DHRSX: variants seen among roughly 807,000 people sequenced by gnomAD.
DHRSX encodes dehydrogenase/reductase X-linked.
A neutral mutation model predicts 34.0 loss-of-function variants in DHRSX; 31 were observed. The observed-to-expected ratio is 0.91, with a 90% CI of 0.69 to 1.23. The LOEUF (loss-of-function observed/expected upper bound fraction) is 1.23. Among genes scored for constraint, DHRSX ranks in the 50% most tolerant of loss-of-function variants. The pLI is 0.00. For missense variants in DHRSX, 414 were observed against 428.1 expected, an observed-to-expected ratio of 0.97 and a Z score of 0.29; for synonymous variants, 201 against 183.8, an observed-to-expected ratio of 1.09 and a Z score of -0.76.
At chrX:2,243,548 G>A (rs1459096216) in intron 5 of DHRSX, among the ~76,000 whole-genome samples, 3 of 151,874 alleles carry the variant, frequency 2.0e-5, no homozygotes, top group Admixed American at 6.6e-5. Context: ...GTGCAGTGGT[G>A]CAATCTTGGC....
rs1390787822 is a variant in DHRSX, at chrX:2,411,028, G to A, written c.218-2215C>T. The stretch of plus-strand genomic sequence containing the variant: ...GCATTTCAGGGAGGTGGGTTTCGAC[G>A]GGAGGGAGAGGAAGAAATAGCCTGA... On this transcript the variant is annotated intron_variant, in intron 2 of 6. Transcript: ENST00000334651. 6.6e-5 allele frequency among the ~76,000 whole-genome samples: 10 copies of A among 152,052 alleles called. No homozygotes were observed. In the East Asian group the frequency reaches 7.7e-4, roughly 12 times the overall value.
chrX:2,304,315 G>GGATGGATGGATGGATGGATGAACT (rs773612703), intron 3 of DHRSX, among the ~76,000 whole-genome samples: 5,147 of 129,934 alleles, frequency 0.04, 187 homozygotes, highest in African/African-American at 0.1. Context: ...ATGGATGAAT[G>GGATGGATGGATGGATGGATGAACT]GATGGATGGA....
chrX:2,372,360 C>G (rs1283567704), intron 3 of DHRSX, among the ~76,000 whole-genome samples: 1 of 152,048 alleles, frequency 6.6e-6, no homozygotes, highest in African/African-American at 2.4e-5. Context: ...CCAGACGCGC[C>G]CCACAGCTCC....
intron 1 of DHRSX, among the ~76,000 whole-genome samples, chrX:2,477,247 C>T (rs961001125): frequency 1.3e-5 from 2 of 152,128 alleles, no homozygotes; most frequent in South Asian, 2.1e-4. Context: ...ATGGGTACCA[C>T]GACTTAGTGT....
intron 6 of DHRSX, among the ~76,000 whole-genome samples, chrX:2,229,402 A>T (rs192598594): frequency 4.5e-4 from 69 of 152,100 alleles, no homozygotes; most frequent in African/African-American, 1.6e-3. Flanking sequence ...TGCTCCAGCC[A>T]CCCAGGGATC....
At chrX:2,493,908 G>T (rs1305216594) in intron 1 of DHRSX, among the ~76,000 whole-genome samples, 2 of 152,094 alleles carry the variant, frequency 1.3e-5, no homozygotes, top group Non-Finnish European at 2.9e-5. Flanking sequence ...GGAAGCAGAG[G>T]TTGCAGTGAG....
intron 5 of DHRSX, among the ~76,000 whole-genome samples, chrX:2,251,654 C>A (rs2016436653): frequency 6.6e-6 from 1 of 152,100 alleles, no homozygotes; most frequent in Non-Finnish European, 1.5e-5. Context: ...TGTACCCTTT[C>A]TGCAGAAAGT....
chrX:2,337,450 T>G (rs2042582796), intron 3 of DHRSX, among the ~76,000 whole-genome samples: 1 of 152,186 alleles, frequency 6.6e-6, no homozygotes, highest in African/African-American at 2.4e-5. Context: ...GAAAATTCAC[T>G]TTTAATCTTG....
rs1039780393 is a variant in DHRSX at position 2,468,620 on chromosome X, C to G, written c.109+32197G>C. On this transcript the variant is annotated intron_variant, in intron 1 of 6. Coordinates refer to ENST00000334651, the MANE Select transcript of DHRSX (RefSeq NM_145177.3). ...TTCCCTAAGTATGCGGCCAAGGGAC[C>G]GCCGCCATGTACACACTGAAGACAT... Among the ~76,000 whole-genome samples, 247 of 151,266 alleles carry G rather than the reference C, an allele frequency of 1.6e-3. 1 individual carries two copies. The highest frequency in any genetic ancestry group is 2.4e-3 in the Non-Finnish European group (164 of 67,790).
intron 4 of DHRSX, among the ~76,000 whole-genome samples, chrX:2,276,999 T>G (rs1220476800): frequency 3.4e-4 from 8 of 23,832 alleles, no homozygotes; most frequent in African/African-American, 6.8e-4. Flanking sequence ...GAAAGAGAGA[T>G]GGAGAGGGAA....
intron 3 of DHRSX, among the ~76,000 whole-genome samples, chrX:2,386,450 C>T (rs916259865): frequency 3.9e-5 from 6 of 151,976 alleles, no homozygotes; most frequent in African/African-American, 1.5e-4. Flanking sequence ...AACTCTGGAC[C>T]TCAGGTGACC....
At position 2,363,752 on chromosome X, in the gene DHRSX, G is replaced by A. The variant is rs995994783; in HGVS notation, c.286+44993C>T. Among the ~76,000 whole-genome samples, 8 of 151,870 alleles carry A rather than the reference G, an allele frequency of 5.3e-5. 1 individual carries two copies. In the South Asian group the frequency reaches 8.4e-4, roughly 16 times the overall value. On this transcript the variant is annotated intron_variant, in intron 3 of 6. Coordinates refer to ENST00000334651, the MANE Select transcript of DHRSX (RefSeq NM_145177.3). ...GGTATCATGCTTCCATTTTATCACCGTTCTATGATATCATGCTGCCATTTT... is the reference window on the plus strand; with the variant it reads ...GGTATCATGCTTCCATTTTATCACCATTCTATGATATCATGCTGCCATTTT...
At chrX:2,245,232 G>A (rs770397607) in intron 5 of DHRSX, among the ~76,000 whole-genome samples, 3 of 152,248 alleles carry the variant, frequency 2.0e-5, no homozygotes, top group Admixed American at 1.3e-4. Context: ...CCAAAAGAAT[G>A]TAACCATCTG....
chrX:2,250,322 A>G (rs1441131720), intron 5 of DHRSX, among the ~76,000 whole-genome samples: 2 of 152,066 alleles, frequency 1.3e-5, no homozygotes, highest in Admixed American at 6.6e-5. Flanking sequence ...CTCGTGAGAA[A>G]GAACTCCGAG....
At chrX:2,290,918 C>T (rs1471841465) in intron 4 of DHRSX, among the ~76,000 whole-genome samples, 1 of 152,134 alleles carries the variant, frequency 6.6e-6, no homozygotes, top group Non-Finnish European at 1.5e-5. Flanking sequence ...TTGCAATGAT[C>T]TTAAGCGCTC....
At chrX:2,351,710 AC>A (rs1296480921) in intron 3 of DHRSX, among the ~76,000 whole-genome samples, 2 of 152,104 alleles carry the variant, frequency 1.3e-5, no homozygotes, top group Non-Finnish European at 2.9e-5. Context: ...ACCCTGGACC[AC>A]CTGGGTGAGA....
At chrX:2,488,495 CT>C (rs1365850331) in intron 1 of DHRSX, 1 of 1,180,924 alleles carries the variant, frequency 8.5e-7, no homozygotes, top group African/African-American at 1.6e-5. Context: ...TCTCAAATCT[CT>C]TTCCTTTTTC....
At chrX:2,427,821 T>A (rs1267322358) in intron 1 of DHRSX, among the ~76,000 whole-genome samples, 1 of 152,208 alleles carries the variant, frequency 6.6e-6, no homozygotes, top group East Asian at 1.9e-4. Context: ...TTGTTCAACA[T>A]ATTTGGAATG....
At chrX:2,442,475 T>C (rs1367432164) in intron 1 of DHRSX, among the ~76,000 whole-genome samples, 1 of 151,272 alleles carries the variant, frequency 6.6e-6, no homozygotes, top group Admixed American at 6.6e-5. Flanking sequence ...TGTGTGTGTA[T>C]ATATATATAT....
Sources: allele counts gnomAD v4.1 joint callset (sites outside exome capture counted in the v4.1 genomes callset), GRCh38; gene constraint gnomAD v4.1.1; transcripts MANE v1.5; gene names NCBI Gene and HGNC (gene_info 2026-07-23, HGNC 2026-07-21).